DIAPH2: variants seen among roughly 807,000 people sequenced by gnomAD.
The protein encoded by DIAPH2 is protein diaphanous homolog 2.
In DIAPH2, 35 loss-of-function variants were observed where a neutral mutation model predicts 92.7. The observed-to-expected ratio is 0.38, with a 90% CI of 0.29 to 0.50. The LOEUF is 0.50. DIAPH2 is among the 20% of genes least tolerant of loss of function. The probability of loss-of-function intolerance (pLI) is 0.94; values close to 1 mark genes in which losing one functional copy is unlikely to be tolerated. For missense variants in DIAPH2, 701 were observed against 819.5 expected, an observed-to-expected ratio of 0.86 and a Z score of 1.77; for synonymous variants, 301 against 280.4, an observed-to-expected ratio of 1.07 and a Z score of -0.73.
intron 19 of DIAPH2, among the ~76,000 whole-genome samples, chrX:97,089,557 T>A (rs1337867246): frequency 9.0e-6 from 1 of 111,381 alleles, no homozygotes; most frequent in Non-Finnish European, 1.9e-5. Flanking sequence ...TCATATATGC[T>A]ACTTAATCAT....
chrX:97,060,015 T>C (rs371092848), intron 17 of DIAPH2, among the ~76,000 whole-genome samples: 1 of 112,884 alleles, frequency 8.9e-6, no homozygotes, highest in East Asian at 2.8e-4. Flanking sequence ...TTATTGTATC[T>C]TATAAGCCAG....
intron 22 of DIAPH2, among the ~76,000 whole-genome samples, chrX:97,200,530 C>T (rs2067739026): frequency 9.9e-6 from 1 of 101,181 alleles, no homozygotes; most frequent in Non-Finnish European, 2.0e-5. Context: ...CCTGACAGTG[C>T]TGAGACTGAC....
At chrX:97,420,982 C>T (rs1355815858) in intron 25 of DIAPH2, among the ~76,000 whole-genome samples, 1 of 112,301 alleles carries the variant, frequency 8.9e-6, no homozygotes, top group Non-Finnish European at 1.9e-5. Context: ...TAGTTACCAT[C>T]TGTTGATTTT....
At chrX:97,156,589 A>T (rs2067324667) in intron 22 of DIAPH2, among the ~76,000 whole-genome samples, 1 of 111,857 alleles carries the variant, frequency 8.9e-6, no homozygotes, top group Admixed American at 9.5e-5. Flanking sequence ...ACAGTGGCTA[A>T]GGAGCCATAG....
At chrX:97,458,259 T>A (rs1457369668) in intron 26 of DIAPH2, among the ~76,000 whole-genome samples, 1 of 109,802 alleles carries the variant, frequency 9.1e-6, no homozygotes, top group African/African-American at 3.3e-5. Flanking sequence ...TCTTGTAATT[T>A]TCAGGGGTTT....
intron 4 of DIAPH2, among the ~76,000 whole-genome samples, chrX:96,843,234 T>A (rs767448910): frequency 1.3e-4 from 14 of 111,775 alleles, no homozygotes; most frequent in Admixed American, 1.9e-4. Flanking sequence ...AAGCTCCTGG[T>A]TCGCCTTCCA....
At chrX:97,538,884 TA>T (rs1487460449) in intron 26 of DIAPH2, among the ~76,000 whole-genome samples, 1 of 112,172 alleles carries the variant, frequency 8.9e-6, no homozygotes, top group African/African-American at 3.2e-5. Flanking sequence ...AGTTGCCCCA[TA>T]CATAGATTCA....
chrX:96,746,294 A>G lies in DIAPH2; in HGVS notation c.342+7532A>G, dbSNP rs1052498311. On this transcript the variant is annotated intron_variant, in intron 3 of 26. Transcript: ENST00000324765. ...TTGTAAAAGTGAATTTTGTATTTAG[A>G]GTATGGTTACCAACTACTAACTGAA... is the stretch of plus-strand genomic sequence containing the variant. Among the ~76,000 whole-genome samples the G allele has an allele frequency of 1.1e-4, 12 of 111,975 alleles. No individual in the cohort carries two copies. The East Asian group carries it at 3.4e-3, about 32-fold the overall frequency.
intron 25 of DIAPH2, among the ~76,000 whole-genome samples, chrX:97,412,877 A>G (rs2069892802): frequency 1.8e-5 from 2 of 112,121 alleles, no homozygotes; most frequent in African/African-American, 6.5e-5. Context: ...CTCTGAATAG[A>G]CCAATAACAG....
At chrX:97,494,860 A>C (rs750651763) in intron 26 of DIAPH2, among the ~76,000 whole-genome samples, 2 of 112,568 alleles carry the variant, frequency 1.8e-5, no homozygotes, top group Admixed American at 1.9e-4. Flanking sequence ...TTTCTCTCCT[A>C]TCACAGTGGA....
At chrX:97,499,812 C>A (rs747301180) in intron 26 of DIAPH2, among the ~76,000 whole-genome samples, 1 of 112,443 alleles carries the variant, frequency 8.9e-6, no homozygotes, top group East Asian at 2.8e-4. Flanking sequence ...ACATGTCTTT[C>A]TTTCCATTTC....
intron 20 of DIAPH2, among the ~76,000 whole-genome samples, chrX:97,100,975 A>G (rs748968408): frequency 8.9e-6 from 1 of 112,302 alleles, no homozygotes; most frequent in African/African-American, 3.2e-5. Flanking sequence ...GTTTGGGATC[A>G]GATAGAGCAT....
intron 19 of DIAPH2, among the ~76,000 whole-genome samples, chrX:97,089,101 A>G (rs1270599117): frequency 8.9e-6 from 1 of 112,197 alleles, no homozygotes; most frequent in Admixed American, 9.5e-5. Flanking sequence ...GTCAGTGATG[A>G]GTAGCATCGT....
At chrX:97,170,860 TTTA>T (rs2067447192) in intron 22 of DIAPH2, among the ~76,000 whole-genome samples, 1 of 111,420 alleles carries the variant, frequency 9.0e-6, no homozygotes, top group African/African-American at 3.3e-5. Context: ...GATTTTCTTT[TTTA>T]AAAAATTATT....
intron 25 of DIAPH2, among the ~76,000 whole-genome samples, chrX:97,413,139 C>T (rs1349694182): frequency 9.0e-6 from 1 of 111,657 alleles, no homozygotes; most frequent in Non-Finnish European, 1.9e-5. Context: ...TGATGAACAT[C>T]GATGTGAAAA....
At chrX:97,471,708 AAAAAG>A (rs1308493219) in intron 26 of DIAPH2, among the ~76,000 whole-genome samples, 4 of 108,592 alleles carry the variant, frequency 3.7e-5, no homozygotes, top group Admixed American at 2.0e-4. Context: ...AAAAAAAAAA[AAAAAG>A]GAAAGAAAAA....
chrX:96,761,406 G>T (rs763923822), intron 4 of DIAPH2, among the ~76,000 whole-genome samples: 1 of 109,173 alleles, frequency 9.2e-6, no homozygotes, highest in South Asian at 4.0e-4. Flanking sequence ...TACATCTGCA[G>T]ATTTGTTAGA....
At chrX:96,757,464 G>A (rs1253295522) in intron 3 of DIAPH2, among the ~76,000 whole-genome samples, 1 of 111,908 alleles carries the variant, frequency 8.9e-6, no homozygotes, top group Non-Finnish European at 1.9e-5. Flanking sequence ...ATGTCACAAG[G>A]ATTACCATGA....
chrX:96,926,290 T>G (rs1004729300), intron 9 of DIAPH2, among the ~76,000 whole-genome samples: 1 of 91,053 alleles, frequency 1.1e-5, no homozygotes, highest in African/African-American at 3.4e-5. Flanking sequence ...CTCTGTCACT[T>G]AGGTAAACAA....
Sources: allele counts gnomAD v4.1 joint callset (sites outside exome capture counted in the v4.1 genomes callset), GRCh38; gene constraint gnomAD v4.1.1; transcripts MANE v1.5; gene names NCBI Gene and HGNC (gene_info 2026-07-23, HGNC 2026-07-21).